The following FAM110B variants were observed in gnomAD, a reference collection of about 807,000 sequenced individuals.
FAM110B encodes protein FAM110B.
Under a neutral mutation model 20.4 loss-of-function variants are expected in FAM110B, and 6 were observed. The observed-to-expected ratio is 0.29, with a 90% CI of 0.16 to 0.58. The LOEUF is 0.58. FAM110B is among the 20% of genes least tolerant of loss of function. The pLI is 0.90. For missense variants in FAM110B, 434 were observed against 498.2 expected (o/e 0.87, Z 1.23); for synonymous variants, 226 against 214.1 (o/e 1.06, Z -0.49).
At chr8:58,038,099 T>G (rs1179008770) in intron 2 of FAM110B, among the ~76,000 whole-genome samples, 1 of 152,234 alleles carries the variant, frequency 6.6e-6, no homozygotes, top group Non-Finnish European at 1.5e-5. Context: ...AAGATACGAC[T>G]GGGAGGATAC....
In FAM110B at chr8:58,147,331, C is replaced by G; in HGVS notation, c.1101C>G (p.Val367=). ...SIKQARESQK[V]SHV is the part of the protein sequence containing the mutation. Reference sequence around the variant, plus strand: ...AACAAGCTAGAGAGTCACAGAAGGTCTCCCATGTGTAAGACAGTGCGTGGA... The same window carrying G: ...AACAAGCTAGAGAGTCACAGAAGGTGTCCCATGTGTAAGACAGTGCGTGGA... Residue 367 remains valine (V), a synonymous_variant, in exon 4 of 4, where the codon GTC becomes GTG. Coordinates refer to ENST00000519262, the MANE Select transcript of FAM110B (RefSeq NM_001377989.1). 1 of 1,613,338 alleles carries G rather than the reference C, an allele frequency of 6.2e-7. No individual in the cohort carries two copies. The highest frequency in any genetic ancestry group is 8.5e-7 in the Non-Finnish European group (1 of 1,179,562).
intron 2 of FAM110B, among the ~76,000 whole-genome samples, chr8:58,044,245 A>G (rs1247308707): frequency 6.6e-6 from 1 of 151,404 alleles, no homozygotes; most frequent in Non-Finnish European, 1.5e-5. Flanking sequence ...CCACTTACAT[A>G]GACTACCGTG....
chr8:58,084,996 C>A (rs1806297728), intron 3 of FAM110B, among the ~76,000 whole-genome samples: 1 of 152,154 alleles, frequency 6.6e-6, no homozygotes, highest in Non-Finnish European at 1.5e-5. Context: ...AGTGGCTACA[C>A]CGAGGCACAG....
At chr8:58,072,588 T>G (rs1178555678) in intron 2 of FAM110B, among the ~76,000 whole-genome samples, 2 of 152,270 alleles carry the variant, frequency 1.3e-5, no homozygotes. Flanking sequence ...TACATATTTC[T>G]GTGACAAGAA....
intron 2 of FAM110B, among the ~76,000 whole-genome samples, chr8:58,054,156 A>G (rs1312601816): frequency 2.0e-5 from 3 of 152,210 alleles, no homozygotes; most frequent in Non-Finnish European, 4.4e-5. Flanking sequence ...CAATTAGGTT[A>G]CAGTTTACTA....
intron 1 of FAM110B, among the ~76,000 whole-genome samples, chr8:58,030,599 T>C (rs1253084467): frequency 6.6e-6 from 1 of 152,218 alleles, no homozygotes; most frequent in Admixed American, 6.5e-5. Flanking sequence ...GAGTCCCAAG[T>C]GCCTCCTTAA....
At chr8:58,092,914 T>C (rs1806518116) in intron 3 of FAM110B, among the ~76,000 whole-genome samples, 1 of 152,186 alleles carries the variant, frequency 6.6e-6, no homozygotes, top group Non-Finnish European at 1.5e-5. Context: ...ATCTATTGTT[T>C]CCTGATTTTT....
intron 3 of FAM110B, chr8:58,098,782 G>C (rs1462534953): frequency 1.3e-5 from 2 of 152,336 alleles, no homozygotes; most frequent in Non-Finnish European, 1.5e-5. Flanking sequence ...CTAGGGGAGG[G>C]AGTTCCCTGG....
chr8:58,074,347 TCCA>T (rs1438506674), intron 2 of FAM110B, among the ~76,000 whole-genome samples: 1 of 152,056 alleles, frequency 6.6e-6, no homozygotes, highest in Non-Finnish European at 1.5e-5. Flanking sequence ...CCACACAGTG[TCCA>T]CCAATCCCCC....
At chr8:57,999,863 C>T (rs1038898105) in intron 1 of FAM110B, among the ~76,000 whole-genome samples, 2 of 151,970 alleles carry the variant, frequency 1.3e-5, no homozygotes, top group Non-Finnish European at 2.9e-5. Context: ...GAGCTGACTT[C>T]AGTGAAAAGA....
At chr8:58,013,546 AT>A (rs1212544776) in intron 1 of FAM110B, among the ~76,000 whole-genome samples, 1 of 152,186 alleles carries the variant, frequency 6.6e-6, no homozygotes, top group Non-Finnish European at 1.5e-5. Context: ...CTTCAGCTTA[AT>A]GTGCAGTCCC....
chr8:58,086,295 T>A (rs1383891564), intron 3 of FAM110B, among the ~76,000 whole-genome samples: 2 of 152,210 alleles, frequency 1.3e-5, no homozygotes. Context: ...TATATGAATA[T>A]ATGACTTTAA....
chr8:58,025,461 G>A (rs1423511061), intron 1 of FAM110B, among the ~76,000 whole-genome samples: 2 of 152,200 alleles, frequency 1.3e-5, no homozygotes, highest in South Asian at 2.1e-4. Flanking sequence ...TGGTAGATGA[G>A]ACTCCATCCA....
intron 1 of FAM110B, among the ~76,000 whole-genome samples, chr8:58,018,723 C>T (rs1184119823): frequency 6.6e-6 from 1 of 151,922 alleles, no homozygotes; most frequent in Admixed American, 6.6e-5. Flanking sequence ...TTGGCTTAAT[C>T]TAGTAATTTT....
At chr8:57,996,665 G>T (rs1342441039) in intron 1 of FAM110B, among the ~76,000 whole-genome samples, 1 of 152,158 alleles carries the variant, frequency 6.6e-6, no homozygotes, top group Non-Finnish European at 1.5e-5. Context: ...CATTAGGGAA[G>T]ACCTGGGCTC....
intron 3 of FAM110B, among the ~76,000 whole-genome samples, chr8:58,134,888 G>A (rs184441640): frequency 1.1e-3 from 173 of 152,258 alleles, no homozygotes; most frequent in Non-Finnish European, 1.9e-3. Flanking sequence ...AAAAATCAAG[G>A]CTTTTTTTCG....
At chr8:58,000,233 G>A (rs749171547) in intron 1 of FAM110B, among the ~76,000 whole-genome samples, 55 of 152,322 alleles carry the variant, frequency 3.6e-4, no homozygotes, top group South Asian at 8.3e-4. Context: ...GGACCACAGC[G>A]GAGTTGGGGT....
At chr8:58,128,016 C>G (rs538363526) in intron 3 of FAM110B, among the ~76,000 whole-genome samples, 2 of 152,266 alleles carry the variant, frequency 1.3e-5, no homozygotes, top group East Asian at 3.9e-4. Flanking sequence ...AGTGATTTTT[C>G]TCACAATACA....
At chr8:58,092,025 T>G (rs558148957) in intron 3 of FAM110B, among the ~76,000 whole-genome samples, 1 of 152,364 alleles carries the variant, frequency 6.6e-6, no homozygotes, top group South Asian at 2.1e-4. Flanking sequence ...TTACATTTAA[T>G]ATTATTAATA....
Sources: allele counts gnomAD v4.1 joint callset (sites outside exome capture counted in the v4.1 genomes callset), GRCh38; gene constraint gnomAD v4.1.1; transcripts MANE v1.5; gene names NCBI Gene and HGNC (gene_info 2026-07-23, HGNC 2026-07-21).